Variants in ABCA1 observed in about 807,000 individuals in gnomAD.
ABCA1 encodes ATP binding cassette subfamily A member 1.
In ABCA1, 133 loss-of-function variants were observed where a neutral mutation model predicts 262.5. The observed-to-expected ratio is 0.51, with a 90% CI of 0.44 to 0.59. ABCA1 has a LOEUF of 0.59. Among genes scored for constraint, ABCA1 ranks in the 20% least tolerant of loss-of-function variants. ABCA1 has a pLI of 0.00. For missense variants in ABCA1, 2,452 were observed against 2,777.5 expected (o/e 0.88, Z 2.63); for synonymous variants, 1,022 against 1,043.5 (o/e 0.98, Z 0.40).
chr9:104,800,097 C>T (rs1332226976), intron 35 of ABCA1, 109 bp from the exon 36 acceptor site: 2 of 1,180,924 alleles, frequency 1.7e-6, no homozygotes. Flanking sequence ...ATTCTAGTCA[C>T]ATACCAAGGC....
intron 7 of ABCA1, among the ~76,000 whole-genome samples, chr9:104,848,795 C>T (rs989931812): frequency 6.6e-6 from 1 of 152,074 alleles, no homozygotes. Context: ...GTGGTATATT[C>T]TGTGTCTGGT....
intron 3 of ABCA1, among the ~76,000 whole-genome samples, chr9:104,886,645 G>A (rs755764608): frequency 3.3e-5 from 5 of 152,230 alleles, no homozygotes; most frequent in Non-Finnish European, 5.9e-5. Flanking sequence ...GCACAGGGCA[G>A]TGATGGTGAA....
chr9:104,878,099 TCA>T (rs1838308734), intron 5 of ABCA1, among the ~76,000 whole-genome samples: 2 of 152,158 alleles, frequency 1.3e-5, no homozygotes, highest in African/African-American at 2.4e-5. Context: ...AGTCTGTATC[TCA>T]CAGAGACAAA....
At chr9:104,821,336 C>T (rs951200688) in intron 20 of ABCA1, 39 bp downstream of exon 20, 10 of 1,610,180 alleles carry the variant, frequency 6.2e-6, no homozygotes, top group Non-Finnish European at 8.5e-6. Context: ...ACACACACAT[C>T]CAGAAAAGGC....
chr9:104,868,158 G>A (rs1262163743), intron 5 of ABCA1, among the ~76,000 whole-genome samples: 2 of 152,140 alleles, frequency 1.3e-5, no homozygotes, highest in Non-Finnish European at 2.9e-5. Context: ...TCGGAAGTTC[G>A]AGACCAGCCT....
chr9:104,878,828 A>G (rs928741084), intron 5 of ABCA1, among the ~76,000 whole-genome samples: 36 of 152,206 alleles, frequency 2.4e-4, no homozygotes, highest in Middle Eastern at 3.2e-3. Context: ...AGAGATCCCC[A>G]TATCTACAAA....
chr9:104,822,711 G>T, intron 18 of ABCA1, 44 bp from the exon 19 acceptor site: 1 of 1,608,014 alleles, frequency 6.2e-7, no homozygotes, highest in African/African-American at 1.3e-5. Context: ...AGAAAGCACT[G>T]AGGAGTGGAG....
intron 30 of ABCA1, among the ~76,000 whole-genome samples, chr9:104,808,892 A>G (rs1348868404): frequency 6.6e-6 from 1 of 152,092 alleles, no homozygotes. Flanking sequence ...ACTCACAGTG[A>G]TCTGGTGACC....
At chr9:104,834,725 C>T (rs1833654291) in intron 11 of ABCA1, among the ~76,000 whole-genome samples, 1 of 149,884 alleles carries the variant, frequency 6.7e-6, no homozygotes, top group Non-Finnish European at 1.5e-5. Context: ...TGGCTAAAAG[C>T]AGCTCAGAAA....
intron 24 of ABCA1, 69 bp from the exon 25 acceptor site, chr9:104,816,414 C>T: frequency 4.1e-6 from 6 of 1,464,778 alleles, no homozygotes; most frequent in Non-Finnish European, 5.7e-6. Context: ...GCTGGCCATC[C>T]CCCACCCTCT....
rs773417233 is a variant in ABCA1, at chr9:104,834,019, T to C, written c.1312-1248A>G. Among the ~76,000 whole-genome samples the C allele has an allele frequency of 3.3e-5, 5 of 150,266 alleles. No homozygotes were observed. The South Asian group carries it at 6.4e-4, about 19-fold the overall frequency. On this transcript the variant is annotated intron_variant, in intron 11 of 49. Coordinates refer to ENST00000374736, the MANE Select transcript of ABCA1 (RefSeq NM_005502.4). ...AAGATGAAGCTCTGGTTCTACCGAA[T>C]TGGAGTCTCCAAGGGTCTGAAAACT...
intron 7 of ABCA1, among the ~76,000 whole-genome samples, chr9:104,854,807 A>G (rs1835694342): frequency 6.6e-6 from 1 of 152,232 alleles, no homozygotes; most frequent in African/African-American, 2.4e-5. Flanking sequence ...GACTAAGTGC[A>G]TTTATCCCAC....
chr9:104,927,716 G>C (rs1348161886), intron 1 of ABCA1: 5 of 152,266 alleles, frequency 3.3e-5, no homozygotes, highest in South Asian at 2.1e-4. Context: ...TCCACCGTCG[G>C]GCAAGCCCCA....
At chr9:104,872,103 G>A (rs554988789) in intron 5 of ABCA1, among the ~76,000 whole-genome samples, 2 of 152,286 alleles carry the variant, frequency 1.3e-5, no homozygotes, top group African/African-American at 4.8e-5. Context: ...TGCTTTGTGG[G>A]CACAGAAAAG....
rs1264704087 is a variant in ABCA1, at chr9:104,847,452, A to G, written c.721-1883T>C. 2.0e-5 allele frequency among the ~76,000 whole-genome samples: 3 copies of G among 152,204 alleles called. No individual in the cohort carries two copies. The East Asian group carries it at 5.8e-4, about 29-fold the overall frequency. Reference sequence around the variant, plus strand: ...GCCTGGCACATGGTAATTCCTCACAATTGTCAACAATGTCATCCCCTGCCT... The same window carrying G: ...GCCTGGCACATGGTAATTCCTCACAGTTGTCAACAATGTCATCCCCTGCCT... On this transcript the variant is annotated intron_variant, in intron 7 of 49. Coordinates refer to ENST00000374736, the MANE Select transcript of ABCA1 (RefSeq NM_005502.4).
chr9:104,916,643 C>A (rs1329337802), intron 1 of ABCA1, among the ~76,000 whole-genome samples: 2 of 152,170 alleles, frequency 1.3e-5, no homozygotes, highest in Non-Finnish European at 2.9e-5. Context: ...ATTTAGCACG[C>A]CATTCTACCA....
chr9:104,793,693 A>T (rs1166337457), intron 40 of ABCA1, among the ~76,000 whole-genome samples: 1 of 152,216 alleles, frequency 6.6e-6, no homozygotes, highest in African/African-American at 2.4e-5. Flanking sequence ...CTTTAAGCAG[A>T]TTCCCCTTTC....
intron 7 of ABCA1, among the ~76,000 whole-genome samples, chr9:104,857,418 G>A (rs1004904342): frequency 6.6e-6 from 1 of 152,106 alleles, no homozygotes; most frequent in Non-Finnish European, 1.5e-5. Context: ...TTTTTGTAGA[G>A]ACAGGGTTTC....
At chr9:104,793,066 T>A (rs1588209441) in intron 41 of ABCA1, 105 bp downstream of exon 41, 3 of 1,586,378 alleles carry the variant, frequency 1.9e-6, no homozygotes, top group East Asian at 4.5e-5. Context: ...TTTTATCACA[T>A]ATTTTGAGTT....
Sources: allele counts gnomAD v4.1 joint callset (sites outside exome capture counted in the v4.1 genomes callset), GRCh38; gene constraint gnomAD v4.1.1; transcripts MANE v1.5; gene names NCBI Gene and HGNC (gene_info 2026-07-23, HGNC 2026-07-21).